PDE4D: variants seen among roughly 807,000 people sequenced by gnomAD.
PDE4D encodes the protein 3',5'-cyclic-AMP phosphodiesterase 4D.
PDE4D carries 24 observed loss-of-function variants against 87.4 expected under a neutral mutation model. That is an observed-to-expected ratio of 0.27 (90% CI 0.20 to 0.39). The LOEUF (loss-of-function observed/expected upper bound fraction) is 0.39. Among genes scored for constraint, PDE4D ranks in the 10% least tolerant of loss-of-function variants. The pLI, the probability that PDE4D is intolerant of heterozygous loss-of-function variation, is 1.00. For synonymous variants in PDE4D, 384 were observed against 383.2 expected, an observed-to-expected ratio of 1.00 and a Z score of -0.02; for missense variants, 714 against 1,041.0, an observed-to-expected ratio of 0.69 and a Z score of 4.32.
intron 5 of PDE4D, among the ~76,000 whole-genome samples, chr5:59,137,605 C>T (rs1459453285): frequency 2.0e-5 from 3 of 151,552 alleles, no homozygotes; most frequent in South Asian, 2.1e-4. Context: ...CAGCTCGCTG[C>T]AAGCTCCGCC....
At chr5:59,019,479 T>C (rs1328223007) in intron 6 of PDE4D, among the ~76,000 whole-genome samples, 1 of 152,204 alleles carries the variant, frequency 6.6e-6, no homozygotes, top group African/African-American at 2.4e-5. Context: ...GTCTGCAGTA[T>C]GGCCTCAATC....
chr5:59,311,182 A>G lies in PDE4D; in HGVS notation c.456-95214T>C, dbSNP rs530692880. Among the ~76,000 whole-genome samples the G allele has an allele frequency of 1.8e-4, 27 of 152,148 alleles. No individual in the cohort carries two copies. The East Asian group carries it at 4.6e-3, about 26-fold the overall frequency. ...GGTTTATTCCAGAACTCCAGGATGA[A>G]TGGGGGATGCCCTACTCACTACTCT... On this transcript the variant is annotated intron_variant, in intron 1 of 14. Coordinates refer to ENST00000340635, the MANE Select transcript of PDE4D (RefSeq NM_001104631.2).
At chr5:59,403,365 C>T (rs1046652079) in intron 1 of PDE4D, among the ~76,000 whole-genome samples, 1 of 152,100 alleles carries the variant, frequency 6.6e-6, no homozygotes, top group African/African-American at 2.4e-5. Context: ...ACTGTAGTCA[C>T]CCTGTTGAGC....
intron 1 of PDE4D, among the ~76,000 whole-genome samples, chr5:59,297,411 G>A (rs1161552903): frequency 2.0e-5 from 3 of 151,982 alleles, no homozygotes; most frequent in Non-Finnish European, 2.9e-5. Context: ...AAATACTTAT[G>A]GGTCCTTGTG....
chr5:59,126,327 A>C (rs989174518), intron 5 of PDE4D, among the ~76,000 whole-genome samples: 7 of 152,230 alleles, frequency 4.6e-5, no homozygotes, highest in African/African-American at 1.4e-4. Flanking sequence ...CAAGACAATT[A>C]GCCATCTTTC....
chr5:59,222,419 G>T (rs748987872), intron 1 of PDE4D, among the ~76,000 whole-genome samples: 11 of 152,084 alleles, frequency 7.2e-5, no homozygotes, highest in Non-Finnish European at 1.3e-4. Flanking sequence ...ATCTATCCTA[G>T]CCATCAGGAC....
intron 1 of PDE4D, among the ~76,000 whole-genome samples, chr5:60,461,197 T>C (rs2150171955): frequency 6.6e-6 from 1 of 152,280 alleles, no homozygotes; most frequent in South Asian, 2.1e-4. Flanking sequence ...TCCATATGCT[T>C]ATGATGGGTG....
intron 1 of PDE4D, among the ~76,000 whole-genome samples, chr5:60,277,422 C>T (rs184785289): frequency 6.6e-6 from 1 of 152,208 alleles, no homozygotes; most frequent in Admixed American, 6.5e-5. Context: ...GAATACACAA[C>T]CAACATACCA....
chr5:59,679,551 C>A (rs1748671724), intron 1 of PDE4D, among the ~76,000 whole-genome samples: 1 of 152,096 alleles, frequency 6.6e-6, no homozygotes, highest in African/African-American at 2.4e-5. Flanking sequence ...GCACTCCACA[C>A]AAAGAGATAA....
chr5:59,207,808 CTCTT>C (rs1210931136), intron 2 of PDE4D, among the ~76,000 whole-genome samples: 2 of 151,754 alleles, frequency 1.3e-5, no homozygotes, highest in Non-Finnish European at 2.9e-5. Context: ...CACCTTCACA[CTCTT>C]TCTCTTTTAT....
intron 3 of PDE4D, among the ~76,000 whole-genome samples, chr5:59,899,551 T>C (rs1231113344): frequency 6.6e-6 from 1 of 152,050 alleles, no homozygotes; most frequent in South Asian, 2.1e-4. Flanking sequence ...TCCATTTCTT[T>C]TAATTAGAGA....
intron 3 of PDE4D, chr5:59,987,786 T>G (rs986971345): frequency 2.0e-5 from 3 of 152,198 alleles, no homozygotes; most frequent in African/African-American, 4.8e-5. Context: ...TATCCTTACT[T>G]TCTTTCACAA....
intron 1 of PDE4D, among the ~76,000 whole-genome samples, chr5:59,506,533 C>T (rs959928992): frequency 6.6e-6 from 1 of 151,878 alleles, no homozygotes; most frequent in African/African-American, 2.4e-5. Context: ...TTCAAGAGTA[C>T]TGAAAAATTA....
chr5:59,970,051 T>A (rs1760531013), intron 3 of PDE4D, among the ~76,000 whole-genome samples: 1 of 152,116 alleles, frequency 6.6e-6, no homozygotes, highest in Non-Finnish European at 1.5e-5. Flanking sequence ...TTTTTTCATC[T>A]TTTTCCTCAC....
intron 1 of PDE4D, among the ~76,000 whole-genome samples, chr5:59,449,074 CA>C (rs1232758555): frequency 6.6e-6 from 1 of 152,154 alleles, no homozygotes; most frequent in Non-Finnish European, 1.5e-5. Flanking sequence ...GATTACAAAT[CA>C]AAGAACAATG....
At chr5:59,168,878 C>A (rs531810403) in intron 5 of PDE4D, among the ~76,000 whole-genome samples, 2 of 152,164 alleles carry the variant, frequency 1.3e-5, no homozygotes, top group East Asian at 3.8e-4. Context: ...TCAAATTATT[C>A]AACTTGTCTA....
At chr5:60,202,883 T>A (rs1268110516) in intron 1 of PDE4D, among the ~76,000 whole-genome samples, 1 of 152,150 alleles carries the variant, frequency 6.6e-6, no homozygotes, top group Non-Finnish European at 1.5e-5. Context: ...AAAAGCCTGA[T>A]AAACACACAT....
chr5:59,345,384 C>G (rs1779443801), intron 1 of PDE4D, among the ~76,000 whole-genome samples: 2 of 152,102 alleles, frequency 1.3e-5, no homozygotes, highest in African/African-American at 4.8e-5. Context: ...TTGGTTTTTG[C>G]TAACAATGAT....
At chr5:59,024,872 G>A (rs1033880950) in intron 6 of PDE4D, among the ~76,000 whole-genome samples, 1 of 151,998 alleles carries the variant, frequency 6.6e-6, no homozygotes, top group Admixed American at 6.6e-5. Context: ...ATGTTAATAG[G>A]TTTCATCCTT....
Sources: allele counts gnomAD v4.1 joint callset (sites outside exome capture counted in the v4.1 genomes callset), GRCh38; gene constraint gnomAD v4.1.1; transcripts MANE v1.5; gene names NCBI Gene and HGNC (gene_info 2026-07-23, HGNC 2026-07-21).